The following PTPRM variants were observed in gnomAD, a reference collection of about 807,000 sequenced individuals.
PTPRM encodes the protein protein tyrosine phosphatase receptor type M.
Under a neutral mutation model 186.7 loss-of-function variants are expected in PTPRM, and 47 were observed. The ratio of observed to expected loss-of-function variants is 0.25; its 90% CI spans 0.20 to 0.32. The LOEUF (loss-of-function observed/expected upper bound fraction) is 0.32, where lower values mean the gene tolerates loss of function less well. Ranked by LOEUF, PTPRM falls within the 10% of genes least tolerant of loss-of-function variation. The pLI is 1.00. For missense variants in PTPRM, 1,494 were observed against 1,865.0 expected, an observed-to-expected ratio of 0.80 and a Z score of 3.66; for synonymous variants, 668 against 674.9, an observed-to-expected ratio of 0.99 and a Z score of 0.16.
chr18:8,284,079 C>A (rs1376502401), intron 19 of PTPRM, among the ~76,000 whole-genome samples: 1 of 152,158 alleles, frequency 6.6e-6, no homozygotes, highest in Non-Finnish European at 1.5e-5. Context: ...GCTGAAACAA[C>A]AGTCTAGCTA....
At chr18:7,783,142 G>T (rs1161281184) in intron 2 of PTPRM, among the ~76,000 whole-genome samples, 2 of 152,188 alleles carry the variant, frequency 1.3e-5, no homozygotes, top group African/African-American at 4.8e-5. Flanking sequence ...GACAGATGTT[G>T]TACATCTTTT....
At chr18:7,800,189 T>G (rs2043881432) in intron 2 of PTPRM, among the ~76,000 whole-genome samples, 1 of 152,182 alleles carries the variant, frequency 6.6e-6, no homozygotes, top group African/African-American at 2.4e-5. Flanking sequence ...TTACGTTAAA[T>G]AGCCAGGTGA....
At chr18:7,707,784 C>T (rs553606768) in intron 1 of PTPRM, among the ~76,000 whole-genome samples, 6 of 152,168 alleles carry the variant, frequency 3.9e-5, no homozygotes, top group Non-Finnish European at 7.3e-5. Flanking sequence ...CTAGTTCTGG[C>T]TCTAACAGTA....
In PTPRM at chr18:7,592,405, G is replaced by T. The variant is rs576089059; in HGVS notation, c.73+24514G>T. Among the ~76,000 whole-genome samples, 353 of 152,276 alleles carry T rather than the reference G, an allele frequency of 2.3e-3. 2 individuals are homozygous for T. Among genetic ancestry groups the T allele is most frequent in the Non-Finnish European group, 4.1e-3 (282 of 68,032 alleles). ...AACTCATCATATATTCCACTCAACA[G>T]GTCAGGAGAGCCATGGGGATGCCCC... is the stretch of plus-strand genomic sequence containing the variant. On this transcript the variant is annotated intron_variant, in intron 1 of 32. Transcript: ENST00000580170.
chr18:8,063,918 A>G (rs1039328164), intron 7 of PTPRM, among the ~76,000 whole-genome samples: 3 of 152,180 alleles, frequency 2.0e-5, no homozygotes, highest in Admixed American at 6.5e-5. Context: ...GCATTACCTA[A>G]CATTCAACAT....
At chr18:8,295,808 A>G (rs2095091072) in intron 19 of PTPRM, among the ~76,000 whole-genome samples, 2 of 152,244 alleles carry the variant, frequency 1.3e-5, no homozygotes, top group African/African-American at 4.8e-5. Flanking sequence ...TCCAGGCATC[A>G]TAGTGCCAAA....
At chr18:8,126,017 A>ATTTT (rs1456992081) in intron 13 of PTPRM, among the ~76,000 whole-genome samples, 19 of 29,026 alleles carry the variant, frequency 6.5e-4, no homozygotes, top group Non-Finnish European at 1.6e-3. Flanking sequence ...ATATATATAT[A>ATTTT]TATATATATA....
chr18:7,714,077 A>T (rs2040270744), intron 1 of PTPRM, among the ~76,000 whole-genome samples: 1 of 152,216 alleles, frequency 6.6e-6, no homozygotes, highest in Non-Finnish European at 1.5e-5. Context: ...CATTCTTCTC[A>T]GCACCACGTT....
chr18:8,385,631 G>A (rs1167041279), intron 30 of PTPRM, among the ~76,000 whole-genome samples: 11 of 152,232 alleles, frequency 7.2e-5, no homozygotes, highest in African/African-American at 2.7e-4. Flanking sequence ...GTAGCTGATG[G>A]GGAGTGAGCA....
At chr18:8,309,025 A>G (rs1056723158) in intron 20 of PTPRM, among the ~76,000 whole-genome samples, 5 of 152,234 alleles carry the variant, frequency 3.3e-5, no homozygotes, top group Non-Finnish European at 7.3e-5. Flanking sequence ...ATGTAAATGT[A>G]GCTTGTTCAT....
At position 8,229,440 on chromosome 18, in the gene PTPRM, G is replaced by A. The variant is rs552334913; in HGVS notation, c.2301-14618G>A. Reference sequence around the variant, plus strand: ...TACAGTTAGAAAACTTTAGGTACTCGTGCCCTCTCCAGAAAGCAGCAGGCT... The same window carrying A: ...TACAGTTAGAAAACTTTAGGTACTCATGCCCTCTCCAGAAAGCAGCAGGCT... On this transcript the variant is annotated intron_variant, in intron 14 of 32. Coordinates refer to ENST00000580170, the MANE Select transcript of PTPRM (RefSeq NM_001105244.2). 1.6e-4 allele frequency among the ~76,000 whole-genome samples: 25 copies of A among 152,168 alleles called. No individual in the cohort carries two copies. In the South Asian group the frequency reaches 2.9e-3, roughly 18 times the overall value.
At chr18:7,645,216 A>G (rs1157443144) in intron 1 of PTPRM, among the ~76,000 whole-genome samples, 1 of 152,208 alleles carries the variant, frequency 6.6e-6, no homozygotes, top group Non-Finnish European at 1.5e-5. Flanking sequence ...TGTAAAAGCC[A>G]CCTTTTAATT....
chr18:8,263,221 A>C (rs1279002391), intron 19 of PTPRM, among the ~76,000 whole-genome samples: 1 of 151,826 alleles, frequency 6.6e-6, no homozygotes, highest in East Asian at 1.9e-4. Flanking sequence ...AGATTCTCCC[A>C]CCTCAGCCTC....
chr18:7,718,006 T>C (rs2040374845), intron 1 of PTPRM, among the ~76,000 whole-genome samples: 2 of 150,722 alleles, frequency 1.3e-5, no homozygotes, highest in Admixed American at 6.6e-5. Flanking sequence ...CATGAAGGGG[T>C]CAGGGAAATA....
At chr18:7,628,138 A>G (rs1409607427) in intron 1 of PTPRM, among the ~76,000 whole-genome samples, 1 of 152,174 alleles carries the variant, frequency 6.6e-6, no homozygotes, top group Non-Finnish European at 1.5e-5. Flanking sequence ...GGGTGACAAG[A>G]GTGAGACTCC....
intron 24 of PTPRM, among the ~76,000 whole-genome samples, chr18:8,375,276 G>A (rs994203168): frequency 1.3e-5 from 2 of 152,110 alleles, no homozygotes; most frequent in Admixed American, 6.5e-5. Flanking sequence ...AATATCTTTC[G>A]ATTCCCATAG....
intron 2 of PTPRM, among the ~76,000 whole-genome samples, chr18:7,780,185 A>G (rs536917495): frequency 1.3e-5 from 2 of 152,314 alleles, no homozygotes; most frequent in South Asian, 2.1e-4. Context: ...GTACATATAA[A>G]TGACACTAAG....
At chr18:7,890,336 T>G (rs1256113422) in intron 3 of PTPRM, among the ~76,000 whole-genome samples, 1 of 152,126 alleles carries the variant, frequency 6.6e-6, no homozygotes, top group Admixed American at 6.5e-5. Context: ...AAAATGGGCG[T>G]GAACAGCATC....
intron 2 of PTPRM, among the ~76,000 whole-genome samples, chr18:7,854,270 A>T (rs1012918966): frequency 6.6e-6 from 1 of 152,142 alleles, no homozygotes; most frequent in Non-Finnish European, 1.5e-5. Flanking sequence ...AGAGCCTACA[A>T]GGGAAAGAGT....
Sources: allele counts gnomAD v4.1 joint callset (sites outside exome capture counted in the v4.1 genomes callset), GRCh38; gene constraint gnomAD v4.1.1; transcripts MANE v1.5; gene names NCBI Gene and HGNC (gene_info 2026-07-23, HGNC 2026-07-21).